Variants in RAP1GDS1 observed in about 807,000 individuals in gnomAD.
RAP1GDS1 encodes the protein RAP1, GTP-GDP dissociation stimulator 1.
A neutral mutation model predicts 71.1 loss-of-function variants in RAP1GDS1; 35 were observed. The ratio of observed to expected loss-of-function variants is 0.49; its 90% confidence interval spans 0.38 to 0.65. The LOEUF (loss-of-function observed/expected upper bound fraction) is 0.65. RAP1GDS1 is among the 30% of genes least tolerant of loss of function. The probability of loss-of-function intolerance (pLI) is 0.00; values close to 1 mark genes in which losing one functional copy is unlikely to be tolerated. For synonymous variants in RAP1GDS1, 229 were observed against 243.1 expected (o/e 0.94, Z 0.54); for missense variants, 663 against 706.1 (o/e 0.94, Z 0.69).
intron 2 of RAP1GDS1, 102 bp from the exon 3 acceptor site, chr4:98,343,037 A>G (rs891706032): frequency 2.4e-6 from 3 of 1,268,830 alleles, no homozygotes; most frequent in African/African-American, 3.0e-5. Flanking sequence ...ACTAATTTCT[A>G]TTATGGGTGG....
intron 5 of RAP1GDS1, among the ~76,000 whole-genome samples, chr4:98,379,964 G>A (rs1474565049): frequency 6.6e-6 from 1 of 151,642 alleles, no homozygotes; most frequent in East Asian, 1.9e-4. Flanking sequence ...TTGCATATTA[G>A]ACATGCAGTA....
intron 2 of RAP1GDS1, among the ~76,000 whole-genome samples, chr4:98,312,391 A>T (rs533869587): frequency 6.6e-6 from 1 of 152,090 alleles, no homozygotes; most frequent in South Asian, 2.1e-4. Context: ...GCTGCTGCTC[A>T]TTGGTCCTAT....
intron 4 of RAP1GDS1, among the ~76,000 whole-genome samples, chr4:98,358,605 C>T (rs1471746093): frequency 6.6e-6 from 1 of 151,958 alleles, no homozygotes; most frequent in African/African-American, 2.4e-5. Flanking sequence ...ATGTTTATCT[C>T]TGATTTTTGA....
At chr4:98,363,857 G>A (rs1160260498) in intron 4 of RAP1GDS1, among the ~76,000 whole-genome samples, 1 of 152,144 alleles carries the variant, frequency 6.6e-6, no homozygotes, top group African/African-American at 2.4e-5. Context: ...TTAAGTTATG[G>A]TAGTGTGGAA....
chr4:98,407,712 C>T (rs952147755), intron 7 of RAP1GDS1, among the ~76,000 whole-genome samples: 1 of 152,050 alleles, frequency 6.6e-6, no homozygotes, highest in African/African-American at 2.4e-5. Flanking sequence ...TAAAAAACTA[C>T]TTATTAGGTA....
chr4:98,347,674 G>C (rs895394411), intron 3 of RAP1GDS1, among the ~76,000 whole-genome samples: 3 of 152,016 alleles, frequency 2.0e-5, no homozygotes, highest in African/African-American at 7.2e-5. Flanking sequence ...TCTTTCCCTT[G>C]CAGTACTGCC....
intron 1 of RAP1GDS1, among the ~76,000 whole-genome samples, chr4:98,289,555 A>C (rs950303426): frequency 4.0e-4 from 4 of 10,112 alleles, no homozygotes; most frequent in African/African-American, 2.7e-3. Flanking sequence ...TCTGGTAAAC[A>C]AAAAAAAAAA....
chr4:98,372,800 G>T (rs539394893), intron 4 of RAP1GDS1, among the ~76,000 whole-genome samples: 1 of 151,858 alleles, frequency 6.6e-6, no homozygotes. Context: ...TTCTCTTACC[G>T]CAGCCTCCTG....
At chr4:98,387,671 G>T (rs962602229) in intron 5 of RAP1GDS1, among the ~76,000 whole-genome samples, 2 of 152,186 alleles carry the variant, frequency 1.3e-5, no homozygotes. Flanking sequence ...TTTGGTCAGT[G>T]TTTGTCTGTG....
At chr4:98,323,868 A>G (rs1208417266) in intron 2 of RAP1GDS1, among the ~76,000 whole-genome samples, 14 of 146,018 alleles carry the variant, frequency 9.6e-5, no homozygotes, top group African/African-American at 3.3e-4. Flanking sequence ...GGCACAAGAC[A>G]GGGATGCCCT....
intron 12 of RAP1GDS1, among the ~76,000 whole-genome samples, chr4:98,423,601 A>G (rs977698672): frequency 1.3e-5 from 2 of 151,824 alleles, no homozygotes; most frequent in Admixed American, 6.6e-5. Flanking sequence ...CTGGAATGCA[A>G]TGGTGCGATC....
intron 7 of RAP1GDS1, chr4:98,409,227 A>G (rs1483537264): frequency 6.6e-6 from 1 of 152,216 alleles, no homozygotes; most frequent in East Asian, 1.9e-4. Context: ...AGAAAATAAA[A>G]TGTGAAAAAT....
At chr4:98,269,459 A>G (rs980652767) in intron 1 of RAP1GDS1, among the ~76,000 whole-genome samples, 1 of 152,162 alleles carries the variant, frequency 6.6e-6, no homozygotes, top group African/African-American at 2.4e-5. Flanking sequence ...CAACAAAAGC[A>G]AAAATAAACA....
intron 2 of RAP1GDS1, among the ~76,000 whole-genome samples, chr4:98,320,744 G>C (rs983492845): frequency 6.6e-6 from 1 of 151,046 alleles, no homozygotes; most frequent in African/African-American, 2.4e-5. Context: ...CAAACAGAAA[G>C]GACATCCACA....
At chr4:98,416,334 GTTTTTTTTTT>G (rs70955932) in intron 7 of RAP1GDS1, among the ~76,000 whole-genome samples, 8 of 51,572 alleles carry the variant, frequency 1.6e-4, no homozygotes, top group East Asian at 5.9e-4. Context: ...CATTTTCTTA[GTTTTTTTTTT>G]TTTTTTTTTT....
chr4:98,379,583 C>G (rs1374639502), intron 5 of RAP1GDS1: 1 of 151,538 alleles, frequency 6.6e-6, no homozygotes, highest in Non-Finnish European at 1.5e-5. Flanking sequence ...TTTTAAAACT[C>G]TAATAAAATC....
At chr4:98,311,021 C>T (rs182212180) in intron 2 of RAP1GDS1, among the ~76,000 whole-genome samples, 302 of 152,284 alleles carry the variant, frequency 2.0e-3, no homozygotes, top group African/African-American at 7.1e-3. Flanking sequence ...TACTTAGGCC[C>T]TATCCCCAGA....
At chr4:98,429,698 G>A (rs1486877163) in intron 12 of RAP1GDS1, among the ~76,000 whole-genome samples, 2 of 152,086 alleles carry the variant, frequency 1.3e-5, no homozygotes, top group African/African-American at 2.4e-5. Context: ...AGAAAGCTAC[G>A]AATTTGTGTT....
At chr4:98,334,982 G>GT (rs1441631080) in intron 2 of RAP1GDS1, among the ~76,000 whole-genome samples, 1 of 151,538 alleles carries the variant, frequency 6.6e-6, no homozygotes, top group African/African-American at 2.4e-5. Flanking sequence ...ATATTTGCAG[G>GT]TTTTTTGTTT....
Sources: allele counts gnomAD v4.1 joint callset (sites outside exome capture counted in the v4.1 genomes callset), GRCh38; gene constraint gnomAD v4.1.1; transcripts MANE v1.5; gene names NCBI Gene and HGNC (gene_info 2026-07-23, HGNC 2026-07-21).